The following ADAMTSL1 variants were observed in gnomAD, a reference collection of about 807,000 sequenced individuals.
ADAMTSL1 encodes ADAMTS like 1, also known as ADAMTS-like protein 1.
Under a neutral mutation model 201.8 loss-of-function variants are expected in ADAMTSL1, and 126 were observed. The observed-to-expected ratio is 0.62, with a 90% CI of 0.54 to 0.72. ADAMTSL1 has a LOEUF of 0.72. Among genes scored for constraint, ADAMTSL1 ranks in the 30% least tolerant of loss-of-function variants. The pLI is 0.00. For missense variants in ADAMTSL1, 2,679 were observed against 2,277.8 expected, an observed-to-expected ratio of 1.18 and a Z score of -3.59; for synonymous variants, 1,121 against 903.4, an observed-to-expected ratio of 1.24 and a Z score of -4.32.
intron 15 of ADAMTSL1, chr9:18,723,494 A>G (rs1290038450): frequency 2.1e-5 from 4 of 189,016 alleles, no homozygotes; most frequent in Admixed American, 1.1e-4. Flanking sequence ...TTCTCAAAGT[A>G]CTAACTATGT....
intron 1 of ADAMTSL1, among the ~76,000 whole-genome samples, chr9:18,483,306 C>T (rs1440718368): frequency 6.6e-6 from 1 of 152,122 alleles, no homozygotes; most frequent in Non-Finnish European, 1.5e-5. Flanking sequence ...ATATTTATCA[C>T]GAGCATCTAG....
At chr9:18,517,474 T>G (rs1054755556) in intron 2 of ADAMTSL1, among the ~76,000 whole-genome samples, 1 of 152,110 alleles carries the variant, frequency 6.6e-6, no homozygotes, top group Non-Finnish European at 1.5e-5. Flanking sequence ...TTGTGCAGGT[T>G]AGTTACGTAT....
intron 5 of ADAMTSL1, among the ~76,000 whole-genome samples, chr9:18,626,205 C>T (rs1826349676): frequency 6.6e-6 from 1 of 152,114 alleles, no homozygotes; most frequent in Non-Finnish European, 1.5e-5. Context: ...CTGGAAACAG[C>T]ACAGAACAAA....
At chr9:18,313,497 C>A (rs920460031) in intron 2 of ADAMTSL1, among the ~76,000 whole-genome samples, 1 of 152,114 alleles carries the variant, frequency 6.6e-6, no homozygotes, top group African/African-American at 2.4e-5. Flanking sequence ...GGTCAAACCT[C>A]CAGAGATTTT....
chr9:17,976,153 A>G (rs1818436837), intron 1 of ADAMTSL1, among the ~76,000 whole-genome samples: 1 of 152,078 alleles, frequency 6.6e-6, no homozygotes, highest in Non-Finnish European at 1.5e-5. Context: ...GAAATCAGGA[A>G]GTGTGATGCT....
chr9:18,858,574 C>G (rs906382444), intron 23 of ADAMTSL1, among the ~76,000 whole-genome samples: 1 of 152,220 alleles, frequency 6.6e-6, no homozygotes, highest in Non-Finnish European at 1.5e-5. Context: ...GGCTTAGAAG[C>G]TAGTCGGTGA....
intron 4 of ADAMTSL1, among the ~76,000 whole-genome samples, chr9:18,588,636 T>A (rs1256703081): frequency 1.3e-5 from 2 of 151,884 alleles, no homozygotes; most frequent in Non-Finnish European, 2.9e-5. Context: ...ATTTTATATT[T>A]ACTAAAAAAT....
At chr9:18,079,303 T>G (rs564091042) in intron 1 of ADAMTSL1, among the ~76,000 whole-genome samples, 1 of 152,350 alleles carries the variant, frequency 6.6e-6, no homozygotes, top group Non-Finnish European at 1.5e-5. Flanking sequence ...CACTTCACAT[T>G]GGGATTTCAC....
At chr9:18,638,060 C>G (rs1827207448) in intron 6 of ADAMTSL1, among the ~76,000 whole-genome samples, 1 of 152,036 alleles carries the variant, frequency 6.6e-6, no homozygotes. Flanking sequence ...GTGATTTCCT[C>G]CCTGCAATAT....
intron 9 of ADAMTSL1, among the ~76,000 whole-genome samples, chr9:18,673,052 C>T (rs1212512196): frequency 6.6e-6 from 1 of 152,132 alleles, no homozygotes; most frequent in Non-Finnish European, 1.5e-5. Flanking sequence ...TCTATCTTTT[C>T]CCTTTGTGAC....
At chr9:18,273,709 C>A (rs1294625281) in intron 2 of ADAMTSL1, among the ~76,000 whole-genome samples, 2 of 152,160 alleles carry the variant, frequency 1.3e-5, no homozygotes, top group East Asian at 3.8e-4. Context: ...AATTCAGATT[C>A]ATTTCACTCA....
intron 2 of ADAMTSL1, among the ~76,000 whole-genome samples, chr9:18,309,549 AAC>A (rs1834035389): frequency 6.6e-6 from 1 of 152,134 alleles, no homozygotes; most frequent in Non-Finnish European, 1.5e-5. Context: ...ATAATAGACA[AAC>A]AGAGAGCCAA....
intron 2 of ADAMTSL1, among the ~76,000 whole-genome samples, chr9:18,280,606 T>A (rs1193085405): frequency 6.6e-6 from 1 of 152,138 alleles, no homozygotes; most frequent in Non-Finnish European, 1.5e-5. Flanking sequence ...TTTTTGCAGA[T>A]TTAAGTGCTC....
chr9:18,140,968 A>G (rs1826373169), intron 1 of ADAMTSL1, among the ~76,000 whole-genome samples: 1 of 152,212 alleles, frequency 6.6e-6, no homozygotes, highest in Non-Finnish European at 1.5e-5. Flanking sequence ...GCCACCAAGT[A>G]TTTGGTGAGC....
At chr9:18,189,801 C>T (rs748145923) in intron 2 of ADAMTSL1, among the ~76,000 whole-genome samples, 1 of 152,050 alleles carries the variant, frequency 6.6e-6, no homozygotes, top group Admixed American at 6.5e-5. Flanking sequence ...AAGTTTCTTT[C>T]TTTTATGCTG....
At chr9:18,011,248 A>G (rs1392106806) in intron 1 of ADAMTSL1, among the ~76,000 whole-genome samples, 3 of 152,224 alleles carry the variant, frequency 2.0e-5, no homozygotes, top group Non-Finnish European at 4.4e-5. Context: ...GTTAATGTTT[A>G]TGAAAAATAC....
intron 2 of ADAMTSL1, among the ~76,000 whole-genome samples, chr9:18,314,193 G>A (rs886077561): frequency 2.4e-4 from 36 of 152,190 alleles, no homozygotes; most frequent in African/African-American, 8.7e-4. Flanking sequence ...ACATGTTGGT[G>A]AGGATATGGG....
chr9:17,966,030 G>T, intron 1 of ADAMTSL1, among the ~76,000 whole-genome samples: 1 of 152,108 alleles, frequency 6.6e-6, no homozygotes, highest in East Asian at 1.9e-4. Context: ...TCCTGTTTCT[G>T]AGTACCAGTG....
At chr9:18,812,642 T>A (rs10811041) in intron 20 of ADAMTSL1, among the ~76,000 whole-genome samples, 1 of 152,278 alleles carries the variant, frequency 6.6e-6, no homozygotes, top group South Asian at 2.1e-4. Context: ...AAGTGTTTCC[T>A]CTATGTTTTT....
Sources: gnomAD v4.1 joint callset for allele counts (sites outside exome capture counted in the v4.1 genomes callset) on GRCh38, gnomAD v4.1.1 for gene constraint, MANE v1.5 for transcripts, NCBI Gene and HGNC (gene_info 2026-07-23, HGNC 2026-07-21) for gene names.